The following SPANXN4 variants were observed in gnomAD, a reference collection of about 807,000 sequenced individuals.
SPANXN4 encodes sperm protein associated with the nucleus on the X chromosome N4.
SPANXN4 carries 5 observed loss-of-function variants against 6.0 expected under a neutral mutation model. The ratio of observed to expected loss-of-function variants is 0.83; its 90% confidence interval spans 0.44 to 1.75. The LOEUF (loss-of-function observed/expected upper bound fraction) is 1.75. Ranked by LOEUF, SPANXN4 falls within the 40% of genes most tolerant of loss-of-function variation. The pLI, the probability that SPANXN4 is intolerant of heterozygous loss-of-function variation, is 0.02. For missense variants in SPANXN4, 157 were observed against 108.6 expected (o/e 1.45, Z -1.98); for synonymous variants, 45 against 38.0 (o/e 1.19, Z -0.68).
At chrX:143,029,513 C>T (rs1410048728) in intron 1 of SPANXN4, among the ~76,000 whole-genome samples, 1 of 111,040 alleles carries the variant, frequency 9.0e-6, no homozygotes, top group Non-Finnish European at 1.9e-5. Flanking sequence ...CCTTAAAGAG[C>T]TTCCATTAAT....
Position 143,032,678 on chromosome X carries a change from T to C in SPANXN4, c.79-1350T>C, listed in dbSNP as rs139672877. Among the ~76,000 whole-genome samples the C allele has an allele frequency of 6.6e-3, 730 of 111,237 alleles. 7 individuals are homozygous for C. Among genetic ancestry groups the C allele is most frequent in the African/African-American group, 0.023 (690 of 30,526 alleles). On this transcript the variant is annotated intron_variant, in intron 1 of 2. Coordinates refer to ENST00000370504, the Ensembl canonical transcript of SPANXN4. ...TGCATTAGAGAAAGTTTTTAGATTA[T>C]GTTCAATTTGGAAGTTGAAAGTTTT...
chrX:143,026,034 G>A (rs373483095), exon 1 of SPANXN4: 3 of 1,207,827 alleles, frequency 2.5e-6, no homozygotes, highest in Non-Finnish European at 1.1e-6. Context: ...CCAACTTCCA[G>A]CACCAACGAG....
intron 1 of SPANXN4, among the ~76,000 whole-genome samples, chrX:143,030,184 C>A (rs1932801960): frequency 1.8e-5 from 2 of 110,484 alleles, no homozygotes; most frequent in South Asian, 3.9e-4. Flanking sequence ...TGGAAGTATC[C>A]CACAAGGCTC....
chrX:143,029,044 G>T (rs1932793971), intron 1 of SPANXN4, among the ~76,000 whole-genome samples: 1 of 111,221 alleles, frequency 9.0e-6, no homozygotes, highest in Non-Finnish European at 1.9e-5. Flanking sequence ...GGGCAAGTGG[G>T]GTTTGTTCCG....
downstream of SPANXN4, chrX:143,034,727 T>C (rs1397228947): frequency 7.2e-6 from 8 of 1,104,151 alleles, no homozygotes; most frequent in Admixed American, 1.3e-4. Flanking sequence ...AACCTCACCC[T>C]ACAGAAAGTA....
intron 1 of SPANXN4, among the ~76,000 whole-genome samples, chrX:143,028,415 G>C (rs751318509): frequency 6.3e-5 from 7 of 110,942 alleles, no homozygotes; most frequent in African/African-American, 2.3e-4. Flanking sequence ...AGTGAAGCCT[G>C]GGCCGTTTTA....
chrX:143,026,291 C>G (rs1932777845), intron 1 of SPANXN4, among the ~76,000 whole-genome samples, 199 bp downstream of exon 1: 1 of 111,548 alleles, frequency 9.0e-6, no homozygotes. Flanking sequence ...TGGCTGGCTG[C>G]TCGGCGGAAT....
At chrX:143,030,487 C>G (rs756456455) in intron 1 of SPANXN4, among the ~76,000 whole-genome samples, 1 of 109,543 alleles carries the variant, frequency 9.1e-6, no homozygotes, top group Non-Finnish European at 1.9e-5. Context: ...GCTAGGTCCT[C>G]GATGAGGGCC....
intron 1 of SPANXN4, among the ~76,000 whole-genome samples, chrX:143,029,531 G>A (rs771071357): frequency 9.0e-6 from 1 of 111,273 alleles, no homozygotes; most frequent in African/African-American, 3.3e-5. Flanking sequence ...AATGAACCAT[G>A]TAGGCGTTCC....
intron 1 of SPANXN4, among the ~76,000 whole-genome samples, chrX:143,027,991 T>C (rs1229664685): frequency 9.0e-6 from 1 of 111,230 alleles, no homozygotes; most frequent in African/African-American, 3.3e-5. Flanking sequence ...AAGTAGGAGA[T>C]AAAAGATTGG....
At chrX:143,028,269 C>T (rs1029046299) in intron 1 of SPANXN4, among the ~76,000 whole-genome samples, 2 of 110,038 alleles carry the variant, frequency 1.8e-5, no homozygotes, top group Non-Finnish European at 3.8e-5. Context: ...GAGGAGTCTG[C>T]GATTCAGACC....
At chrX:143,034,146 T>G (rs781659042) in exon 2 of SPANXN4, 1 of 1,179,262 alleles carries the variant, frequency 8.5e-7, no homozygotes, top group South Asian at 1.9e-5. Flanking sequence ...TCAAATCAAC[T>G]GGAGAATAAC....
At chrX:143,027,962 C>A (rs1450188377) in intron 1 of SPANXN4, among the ~76,000 whole-genome samples, 1 of 110,793 alleles carries the variant, frequency 9.0e-6, no homozygotes, top group Non-Finnish European at 1.9e-5. Context: ...GGAAGGGACA[C>A]CAGGAAAGAT....
intron 1 of SPANXN4, among the ~76,000 whole-genome samples, chrX:143,029,643 G>C (rs760714415): frequency 1.8e-5 from 2 of 111,334 alleles, no homozygotes; most frequent in South Asian, 7.7e-4. Flanking sequence ...TTAACAGGGA[G>C]GAGGGTGTTC....
chrX:143,029,860 T>A (rs189742508), intron 1 of SPANXN4, among the ~76,000 whole-genome samples: 3 of 110,589 alleles, frequency 2.7e-5, no homozygotes, highest in East Asian at 5.8e-4. Flanking sequence ...CACCCAAGAT[T>A]TTTAGTCAGA....
At chrX:143,036,252 G>A (rs182707049), downstream of SPANXN4, among the ~76,000 whole-genome samples, 1 of 110,646 alleles carries the variant, frequency 9.0e-6, no homozygotes, top group Non-Finnish European at 1.9e-5. Flanking sequence ...GTCACTACAG[G>A]TGTCCATCTT....
intron 1 of SPANXN4, 63 bp downstream of exon 1, chrX:143,026,155 G>A (rs1932776884): frequency 9.9e-7 from 1 of 1,010,684 alleles, no homozygotes; most frequent in Non-Finnish European, 1.4e-6. Flanking sequence ...ATAGGGCGCG[G>A]GTCAAACAGC....
exon 1 of SPANXN4, chrX:143,026,041 C>G (rs1221257451): frequency 1.9e-5 from 23 of 1,207,605 alleles, no homozygotes; most frequent in Middle Eastern, 2.3e-4. Flanking sequence ...CCAGCACCAA[C>G]GAGAATAAAA....
intron 1 of SPANXN4, 146 bp from the exon 2 acceptor site, chrX:143,033,879 C>A (rs1490812400): frequency 3.8e-6 from 2 of 519,920 alleles, no homozygotes; most frequent in Non-Finnish European, 6.3e-6. Context: ...CCATAGATCC[C>A]TACCCTATGA....
Sources: gnomAD v4.1 joint callset for allele counts (sites outside exome capture counted in the v4.1 genomes callset) on GRCh38, gnomAD v4.1.1 for gene constraint, MANE v1.5 for transcripts, NCBI Gene and HGNC (gene_info 2026-07-23, HGNC 2026-07-21) for gene names.